Variants in CSRNP1 observed in about 807,000 individuals in gnomAD.
CSRNP1 encodes cysteine/serine-rich nuclear protein 1.
A neutral mutation model predicts 25.0 loss-of-function variants in CSRNP1; 8 were observed. The ratio of observed to expected loss-of-function variants is 0.32; its 90% CI spans 0.19 to 0.58. The LOEUF is 0.58. Ranked by LOEUF, CSRNP1 falls within the 20% of genes least tolerant of loss-of-function variation. The pLI is 0.88. For synonymous variants in CSRNP1, 305 were observed against 303.1 expected, an observed-to-expected ratio of 1.01 and a Z score of -0.06; for missense variants, 691 against 773.1, an observed-to-expected ratio of 0.89 and a Z score of 1.26.
chr3:39,146,346 T>G lies in CSRNP1; in HGVS notation c.205+132A>C, dbSNP rs912635290. 2.7e-4 allele frequency: 312 copies of G among 1,155,238 alleles called. 2 individuals carry two copies. Among genetic ancestry groups the G allele is most frequent in the Non-Finnish European group, 2.9e-4 (244 of 836,162 alleles). The allele number at this position is 1,155,238 out of a possible 1,614,324, so 71.6% of individuals were successfully genotyped here. On this transcript the variant is annotated intron_variant, in intron 2 of 4. Transcript: ENST00000273153. ...CAGTGGACACTGAGTGACCACTATA[T>G]TATAGCTCATGAGAGCTACCGCCAT...
Position 39,145,034 on chromosome 3 carries a change from C to T in CSRNP1, c.428G>A (p.Arg143His), listed in dbSNP as rs145992009. The T allele has an allele frequency of 4.3e-5, 69 of 1,613,214 alleles. No homozygotes were observed. In the East Asian group the frequency reaches 4.7e-4, roughly 11 times the overall value. ...ARARHEKLRQ[R>H]LKEEKLEMLQ... ...CATCTCCAACTTCTCCTCTTTCAAG[C>T]GCTGGCGGAGCTTCTCGTGCCGTGC... Residue 143 changes from arginine (R) to histidine (H), a missense_variant, in exon 3 of 5, where the codon CGC becomes CAC. Arg to His is a conservative substitution (Grantham distance 29). Transcript: ENST00000273153.
Position 39,142,966 on chromosome 3 carries a change from G to C in CSRNP1, c.*89C>G. The C allele has an allele frequency of 6.9e-7, 1 of 1,441,634 alleles. No individual in the cohort carries two copies. Among genetic ancestry groups the C allele is most frequent in the Middle Eastern group, 1.9e-4 (1 of 5,300 alleles). 89.3% of individuals were successfully genotyped at this position (1,441,634 alleles called of 1,614,324 possible). On this transcript the variant is annotated 3_prime_UTR_variant, in exon 5 of 5. Transcript: ENST00000273153. ...GGCACCTGTGGGTGAGCCAGCCAGT[G>C]GGAGACTGTTACGCAGACTCTGGGG... is the stretch of plus-strand genomic sequence containing the variant.
chr3:39,147,925 C>G (rs2039539291), intron 1 of CSRNP1, among the ~76,000 whole-genome samples: 1 of 152,108 alleles, frequency 6.6e-6, no homozygotes, highest in Admixed American at 6.5e-5. Context: ...GCTGGGGAAC[C>G]CTTCCCCCAC....
chr3:39,150,776 T>G (rs2039569969), intron 1 of CSRNP1: 1 of 152,226 alleles, frequency 6.6e-6, no homozygotes, highest in African/African-American at 2.4e-5. Flanking sequence ...GAGGAGGTTA[T>G]GACCTCCAAG....
At chr3:39,146,143 G>A (rs944006914) in intron 2 of CSRNP1, among the ~76,000 whole-genome samples, 2 of 152,210 alleles carry the variant, frequency 1.3e-5, no homozygotes, top group African/African-American at 4.8e-5. Context: ...CATGGGGCGG[G>A]CGGGGAACTC....
rs1352630231 is a variant in CSRNP1, at chr3:39,145,008, G to A, written c.454C>T (p.Leu152=). 1 of 1,609,264 alleles carries A rather than the reference G, an allele frequency of 6.2e-7. No individual in the cohort carries two copies. The highest frequency in any genetic ancestry group is 8.5e-7 in the Non-Finnish European group (1 of 1,176,444). ...AGGACTCTCTCTACCTTCCACTGCA[G>A]CATCTCCAACTTCTCCTCTTTCAAG... ...QRLKEEKLEM[L]QWKLSAAGVP... is the part of the protein sequence containing the mutation. The change falls in exon 3 of 5, where the codon CTG becomes TTG. Residue 152 remains leucine, a synonymous_variant. Transcript: ENST00000273153.
intron 2 of CSRNP1, among the ~76,000 whole-genome samples, 159 bp from the exon 3 acceptor site, chr3:39,145,415 T>TTGGG (rs1207083240): frequency 6.6e-6 from 1 of 152,194 alleles, no homozygotes; most frequent in Non-Finnish European, 1.5e-5. Flanking sequence ...GCCTGTGTGG[T>TTGGG]TGGGACTGGA....
chr3:39,142,824 G>C lies in CSRNP1; in HGVS notation c.*231C>G, dbSNP rs868797872. On this transcript the variant is annotated 3_prime_UTR_variant, in exon 5 of 5. Transcript: ENST00000273153. Reference sequence around the variant, plus strand: ...AGATAGAAGAGCAAGCTGTGGGTGTGGGGGGCCGGGCAGCTGAAAGGGGAA... The same window carrying C: ...AGATAGAAGAGCAAGCTGTGGGTGTCGGGGGCCGGGCAGCTGAAAGGGGAA... 4.7e-6 allele frequency: 2 copies of C among 426,018 alleles called. No homozygotes were observed. Among genetic ancestry groups the C allele is most frequent in the African/African-American group, 2.0e-5 (1 of 49,808 alleles). 26.4% of individuals were successfully genotyped at this position (426,018 alleles called of 1,614,324 possible).
Position 39,142,658 on chromosome 3 carries a change from A to G in CSRNP1, c.*397T>C, listed in dbSNP as rs567417718. ...AGTGGATTTAGCCACCCATGGGTCT[A>G]GGGCTCAGGGTGGCAGAAGCCACCT... is the stretch of plus-strand genomic sequence containing the variant. On this transcript the variant is annotated 3_prime_UTR_variant, in exon 5 of 5. Transcript: ENST00000273153. 5.9e-6 allele frequency: 1 copy of G among 169,600 alleles called. No homozygotes were observed. The highest frequency in any genetic ancestry group is 5.9e-5 in the Admixed American group (1 of 17,066). 10.5% of individuals were successfully genotyped at this position (169,600 alleles called of 1,614,324 possible). A position where few individuals can be genotyped will look rare whatever the true frequency, so the allele number is the denominator to read the frequency against.
intron 1 of CSRNP1, chr3:39,152,903 G>T (rs1374916605): frequency 6.6e-6 from 1 of 152,192 alleles, no homozygotes; most frequent in African/African-American, 2.4e-5. Context: ...TCCCTCCCGG[G>T]GTCCGTGACT....
At chr3:39,147,380 C>A (rs1176430953) in intron 1 of CSRNP1, among the ~76,000 whole-genome samples, 2 of 152,204 alleles carry the variant, frequency 1.3e-5, no homozygotes. Context: ...TTGCTCCAGG[C>A]TAGCCAGGCA....
At chr3:39,145,342 C>T (rs981231246) in intron 2 of CSRNP1, 86 bp from the exon 3 acceptor site, 153 of 1,427,208 alleles carry the variant, frequency 1.1e-4, no homozygotes, top group Admixed American at 3.8e-4. Context: ...ACTGCCCTCC[C>T]GCCTCCCACC....
In CSRNP1 at chr3:39,143,639, T is replaced by C; in HGVS notation, c.1186A>G (p.Ser396Gly). The C allele has an allele frequency of 1.9e-6, 3 of 1,613,968 alleles. No individual in the cohort carries two copies. The highest frequency in any genetic ancestry group is 1.7e-4 in the Middle Eastern group (1 of 6,060). The part of the protein sequence containing the change: ...VDDDSLARIL[S>G]FSDSDFGGEE... ...CCACCGAAGTCAGAGTCACTGAAAC[T>C]CAAGATGCGTGCCAGGCTGTCATCA... Residue 396 changes from serine (S) to glycine (G), a missense_variant, in exon 5 of 5, where the codon AGT (serine) becomes GGT (glycine). Coordinates refer to ENST00000273153, the MANE Select transcript of CSRNP1 (RefSeq NM_033027.4).
chr3:39,147,941 T>C (rs2039539602), intron 1 of CSRNP1, among the ~76,000 whole-genome samples: 1 of 152,054 alleles, frequency 6.6e-6, no homozygotes, highest in Non-Finnish European at 1.5e-5. Context: ...CCCACTGCCA[T>C]CACAGGAAAT....
chr3:39,145,773 C>T (rs1387569072), intron 2 of CSRNP1, among the ~76,000 whole-genome samples: 1 of 152,178 alleles, frequency 6.6e-6, no homozygotes, highest in Admixed American at 6.5e-5. Context: ...AGAGGGAATT[C>T]CCTTCTAAAA....
intron 1 of CSRNP1, chr3:39,150,281 G>T (rs1342436946): frequency 6.6e-6 from 1 of 152,256 alleles, no homozygotes; most frequent in Admixed American, 6.5e-5. Context: ...CAGACTGCAA[G>T]GGCCTCATTG....
chr3:39,149,815 C>A (rs2039558997), intron 1 of CSRNP1: 1 of 152,336 alleles, frequency 6.6e-6, no homozygotes, highest in Non-Finnish European at 1.5e-5. Flanking sequence ...CAGCCTTATT[C>A]CCTTTCAGAA....
At position 39,153,591 on chromosome 3, in the gene CSRNP1, T is replaced by C. The variant is rs1411294469; in HGVS notation, c.-194A>G. 1 of 152,670 alleles carries C rather than the reference T, an allele frequency of 6.6e-6. No individual in the cohort carries two copies. The highest frequency in any genetic ancestry group is 1.4e-5 in the Non-Finnish European group (1 of 69,072). 9.5% of individuals were successfully genotyped at this position (152,670 alleles called of 1,614,324 possible). A position where few individuals can be genotyped will look rare whatever the true frequency, so the allele number is the denominator to read the frequency against. On this transcript the variant is annotated 5_prime_UTR_variant, in exon 1 of 5. Transcript: ENST00000273153. ...GGCAGCGGCGGCGGCGGCGGGAGAC[T>C]GCCTGCGCCCAGCCCCGCCCGCCGC... is the stretch of plus-strand genomic sequence containing the variant.
At chr3:39,150,312 G>C (rs866777823) in intron 1 of CSRNP1, 3 of 152,214 alleles carry the variant, frequency 2.0e-5, no homozygotes, top group Admixed American at 2.0e-4. Flanking sequence ...TCACACTGAG[G>C]GCATTTCTCT....
Sources: gnomAD v4.1 joint callset for allele counts (sites outside exome capture counted in the v4.1 genomes callset) on GRCh38, gnomAD v4.1.1 for gene constraint, MANE v1.5 for transcripts, NCBI Gene and HGNC (gene_info 2026-07-23, HGNC 2026-07-21) for gene names.